LIPA: variants seen among roughly 807,000 people sequenced by gnomAD.
LIPA encodes lipase A, lysosomal acid type, also known as lysosomal acid lipase/cholesteryl ester hydrolase.
A neutral mutation model predicts 40.6 loss-of-function variants in LIPA; 26 were observed. The observed-to-expected ratio is 0.64, with a 90% CI of 0.47 to 0.89. LIPA has a LOEUF of 0.89. LIPA is among the 40% of genes least tolerant of loss of function. The pLI, the probability that LIPA is intolerant of heterozygous loss-of-function variation, is 0.00. For synonymous variants in LIPA, 188 were observed against 168.4 expected (o/e 1.12, Z -0.90); for missense variants, 455 against 479.6 (o/e 0.95, Z 0.48).
chr10:89,317,000 G>C (rs1199796427), intron 1 of LIPA, among the ~76,000 whole-genome samples: 1 of 152,216 alleles, frequency 6.6e-6, no homozygotes, highest in Non-Finnish European at 1.5e-5. Context: ...TGAGGGTCCT[G>C]ACTGTTAGAA....
chr10:89,277,728 G>A (rs1390732760), intron 1 of LIPA, among the ~76,000 whole-genome samples: 2 of 152,214 alleles, frequency 1.3e-5, no homozygotes, highest in Non-Finnish European at 2.9e-5. Flanking sequence ...TCATGATTGG[G>A]TTCAGGGATA....
chr10:89,321,383 A>G (rs1008437889), intron 1 of LIPA, among the ~76,000 whole-genome samples: 1 of 152,242 alleles, frequency 6.6e-6, no homozygotes, highest in African/African-American at 2.4e-5. Flanking sequence ...AAAAAAATCA[A>G]ACAACCCCAT....
At chr10:89,276,815 T>G (rs1396344226) in intron 1 of LIPA, among the ~76,000 whole-genome samples, 2 of 152,222 alleles carry the variant, frequency 1.3e-5, no homozygotes, top group Non-Finnish European at 1.5e-5. Context: ...AATTAGAATA[T>G]CAATTAATTA....
At chr10:89,369,616 T>A (rs1360395869) in intron 2 of LIPA, among the ~76,000 whole-genome samples, 1 of 152,222 alleles carries the variant, frequency 6.6e-6, no homozygotes, top group African/African-American at 2.4e-5. Context: ...CATAAAAGAA[T>A]ATTCTATGGA....
chr10:89,248,453 TTTATTTATTTATTTA>T (rs1564766016), intron 1 of LIPA, among the ~76,000 whole-genome samples: 17 of 67,902 alleles, frequency 2.5e-4, no homozygotes, highest in East Asian at 4.3e-4. Flanking sequence ...TATTTATTTA[TTTATTTATTTATTTA>T]TTTATTTATT....
chr10:89,228,536 G>T, intron 3 of LIPA, 138 bp from the exon 4 acceptor site: 1 of 801,018 alleles, frequency 1.2e-6, no homozygotes, highest in Non-Finnish European at 2.1e-6. Flanking sequence ...ACATAGTGAT[G>T]TACTCACATA....
chr10:89,264,813 C>T (rs1463799458), intron 1 of LIPA, among the ~76,000 whole-genome samples: 2 of 152,222 alleles, frequency 1.3e-5, no homozygotes, highest in Non-Finnish European at 2.9e-5. Context: ...GGCCCCCAGG[C>T]TTCAGGCCCT....
rs80172829 is a variant in LIPA, at chr10:89,279,930, A to G, written c.-1-32281T>C. On this transcript the variant is annotated intron_variant, in intron 1 of 5. Coordinates refer to the LIPA transcript ENST00000282673. ...GAATGCATCGTATTGAAAAACCCAC[A>G]CAATTGTACAAAGACGGACATACAG... 7.1e-3 allele frequency among the ~76,000 whole-genome samples: 1,076 copies of G among 152,318 alleles called. 13 individuals are homozygous for G. Among genetic ancestry groups the G allele is most frequent in the African/African-American group, 0.025 (1,030 of 41,576 alleles).
chr10:89,299,074 C>G (rs1033993554), intron 1 of LIPA, among the ~76,000 whole-genome samples: 1 of 151,528 alleles, frequency 6.6e-6, no homozygotes, highest in Non-Finnish European at 1.5e-5. Context: ...AAATCCAATA[C>G]AATTCAAACA....
In LIPA at chr10:89,219,327, G is replaced by T. The variant is rs1842667731; in HGVS notation, c.894+3184C>A. On this transcript the variant is annotated intron_variant, in intron 8 of 9. Coordinates refer to ENST00000336233, the MANE Select transcript of LIPA (RefSeq NM_000235.4). ...CCTTAGGTAGGTCAGAACAACACTGGAAAACTACACTGGGATGGCCTTCTT... is the reference window on the plus strand; with the variant it reads ...CCTTAGGTAGGTCAGAACAACACTGTAAAACTACACTGGGATGGCCTTCTT... Among the ~76,000 whole-genome samples, 3 of 152,108 alleles carry T rather than the reference G, an allele frequency of 2.0e-5. No homozygotes were observed. In the South Asian group the frequency reaches 6.2e-4, roughly 32 times the overall value.
chr10:89,304,455 G>A (rs868788040), intron 1 of LIPA, among the ~76,000 whole-genome samples: 2 of 152,080 alleles, frequency 1.3e-5, no homozygotes, highest in Non-Finnish European at 2.9e-5. Context: ...TTAGAAAGAG[G>A]GGTCACATAA....
intron 2 of LIPA, chr10:89,383,323 G>T (rs1298821656): frequency 6.2e-7 from 1 of 1,608,964 alleles, no homozygotes; most frequent in Non-Finnish European, 8.5e-7. Flanking sequence ...TTACAGTGAA[G>T]AATCTGATGG....
chr10:89,215,935 T>G lies in LIPA; in HGVS notation c.966+3A>C. On this transcript the variant is annotated splice_donor_region_variant and intron_variant, in intron 9 of 9. Coordinates refer to ENST00000336233, the MANE Select transcript of LIPA (RefSeq NM_000235.4). ...CCTTTAATGAAAAGACTAAAAACTT[T>G]ACCTGGTTGTAATGAAAATAATTCT... 2.5e-6 allele frequency: 4 copies of G among 1,601,540 alleles called. No homozygotes were observed. Among genetic ancestry groups the G allele is most frequent in the Non-Finnish European group, 3.4e-6 (4 of 1,168,518 alleles).
chr10:89,370,725 G>A (rs1157617693), intron 2 of LIPA, among the ~76,000 whole-genome samples: 2 of 152,110 alleles, frequency 1.3e-5, no homozygotes, highest in African/African-American at 4.8e-5. Context: ...ATCATCCAAA[G>A]TGTCTCCAGG....
At chr10:89,403,152 C>T (rs544262815) in intron 2 of LIPA, 1 of 1,613,964 alleles carries the variant, frequency 6.2e-7, no homozygotes, top group South Asian at 1.1e-5. Context: ...CCAGATAGGG[C>T]TTTGCTACAA....
At chr10:89,249,007 T>C (rs548320077) in intron 1 of LIPA, among the ~76,000 whole-genome samples, 1 of 152,324 alleles carries the variant, frequency 6.6e-6, no homozygotes, top group East Asian at 1.9e-4. Flanking sequence ...CACCTATGAT[T>C]TAGACATGTT....
intron 2 of LIPA, among the ~76,000 whole-genome samples, chr10:89,388,278 G>T (rs1844223230): frequency 6.6e-6 from 1 of 152,032 alleles, no homozygotes; most frequent in African/African-American, 2.4e-5. Flanking sequence ...GCTAATTTTT[G>T]TATTTTCAGT....
chr10:89,322,829 A>G (rs1230697224), intron 1 of LIPA, among the ~76,000 whole-genome samples: 1 of 152,138 alleles, frequency 6.6e-6, no homozygotes, highest in African/African-American at 2.4e-5. Flanking sequence ...CAGTGACCAT[A>G]GCCTCCTGTT....
At chr10:89,273,996 G>T (rs573262107) in intron 1 of LIPA, among the ~76,000 whole-genome samples, 2 of 152,284 alleles carry the variant, frequency 1.3e-5, no homozygotes, top group South Asian at 4.1e-4. Flanking sequence ...CAAAGCCGAA[G>T]AAAATATTTA....
Sources: allele counts gnomAD v4.1 joint callset (sites outside exome capture counted in the v4.1 genomes callset), GRCh38; gene constraint gnomAD v4.1.1; transcripts MANE v1.5; gene names NCBI Gene and HGNC (gene_info 2026-07-23, HGNC 2026-07-21).